LRP1B: variants seen among roughly 807,000 people sequenced by gnomAD.
LRP1B encodes LDL receptor related protein 1B.
Under a neutral mutation model 556.6 loss-of-function variants are expected in LRP1B, and 217 were observed. The observed-to-expected ratio is 0.39, with a 90% CI of 0.35 to 0.44. The LOEUF is 0.44. Ranked by LOEUF, LRP1B falls within the 20% of genes least tolerant of loss-of-function variation. LRP1B has a pLI of 1.00. For synonymous variants in LRP1B, 2,047 were observed against 1,865.8 expected (o/e 1.10, Z -2.50); for missense variants, 5,053 against 5,620.8 (o/e 0.90, Z 3.23).
rs146966427 is a variant in LRP1B at position 140,356,390 on chromosome 2, G to A, written c.11482C>T (p.Arg3828Cys). 86 of 1,610,600 alleles carry A rather than the reference G, an allele frequency of 5.3e-5. No homozygotes were observed. Among genetic ancestry groups the A allele is most frequent in the Non-Finnish European group, 6.8e-5 (80 of 1,177,706 alleles). Residue 3828 changes from arginine to cysteine, a missense_variant, in exon 75 of 91, where the codon CGC becomes TGC. Physicochemically the swap from Arg to Cys is radical, Grantham distance 180. Around this residue, in one of 5 missense-constraint regions of LRP1B, gnomAD observed 599 missense variants for 648.4 expected, o/e 0.92. Transcript: ENST00000389484. ...TTTCTCTGAAATCCAGGCTTACAGCGACAGAAAACAGATGTTTTTATTTGA... is the reference window on the plus strand; with the variant it reads ...TTTCTCTGAAATCCAGGCTTACAGCAACAGAAAACAGATGTTTTTATTTGA... ...CNQIKTSVFC[R>C]CKPGFQRNMK...
At chr2:141,919,388 T>C (rs1700119908) in intron 1 of LRP1B, among the ~76,000 whole-genome samples, 2 of 152,078 alleles carry the variant, frequency 1.3e-5, no homozygotes, top group African/African-American at 4.8e-5. Flanking sequence ...CTACATTTCC[T>C]GCACTAATAT....
rs553904247 is a variant in LRP1B, at chr2:141,538,944, A to C, written c.206-58411T>G. 8.6e-4 allele frequency among the ~76,000 whole-genome samples: 131 copies of C among 152,258 alleles called. 2 individuals are homozygous for C. Among genetic ancestry groups the C allele is most frequent in the African/African-American group, 3.1e-3 (127 of 41,584 alleles). ...GTGAGCCACTGTCCCTGGCCGAAAG[A>C]AACATTTTATGGGGACAATTGCTCT... On this transcript the variant is annotated intron_variant, in intron 2 of 90. Coordinates refer to ENST00000389484, the MANE Select transcript of LRP1B (RefSeq NM_018557.3).
At chr2:141,223,952 C>T (rs1014639154) in intron 6 of LRP1B, among the ~76,000 whole-genome samples, 1 of 152,072 alleles carries the variant, frequency 6.6e-6, no homozygotes, top group African/African-American at 2.4e-5. Context: ...CCAGATAATA[C>T]CACTCAGGAC....
In LRP1B at chr2:140,358,120, T is replaced by C. The variant is rs2105135598; in HGVS notation, c.11258-4A>G. ...CTTGCTTTATATGTCAGCTTACCTA[T>C]AGAGTCATACAAAAAATGATTAGTG... On this transcript the variant is annotated splice_polypyrimidine_tract_variant and splice_region_variant and intron_variant, in intron 73 of 90. Coordinates refer to ENST00000389484, the MANE Select transcript of LRP1B (RefSeq NM_018557.3). 1.9e-6 allele frequency: 3 copies of C among 1,609,226 alleles called. No homozygotes were observed. Among genetic ancestry groups the C allele is most frequent in the Non-Finnish European group, 1.7e-6 (2 of 1,176,920 alleles).
At chr2:141,709,087 G>T (rs572937097) in intron 2 of LRP1B, among the ~76,000 whole-genome samples, 2 of 151,976 alleles carry the variant, frequency 1.3e-5, no homozygotes, top group African/African-American at 4.8e-5. Flanking sequence ...GTGGTGGCTC[G>T]TGCTTGTAAT....
intron 53 of LRP1B, among the ~76,000 whole-genome samples, chr2:140,506,049 T>C (rs1689394624): frequency 6.6e-6 from 1 of 152,048 alleles, no homozygotes; most frequent in Non-Finnish European, 1.5e-5. Flanking sequence ...TATCAAATCA[T>C]TGAATACATC....
At chr2:140,235,194 C>T (rs180932633) in intron 89 of LRP1B, among the ~76,000 whole-genome samples, 1 of 151,236 alleles carries the variant, frequency 6.6e-6, no homozygotes, top group Admixed American at 6.6e-5. Flanking sequence ...AAAACTAGTA[C>T]ATATTTATCT....
At chr2:141,148,822 G>T (rs76551404) in intron 7 of LRP1B, among the ~76,000 whole-genome samples, 2,788 of 152,202 alleles carry the variant, frequency 0.018, 80 homozygotes, top group African/African-American at 0.064. Context: ...GGTGGTTCAC[G>T]CCTGTAATCC....
At chr2:141,185,301 A>G (rs1484593259) in intron 7 of LRP1B, among the ~76,000 whole-genome samples, 1 of 152,074 alleles carries the variant, frequency 6.6e-6, no homozygotes, top group African/African-American at 2.4e-5. Context: ...TCCAGCATCA[A>G]GTTCATAACC....
intron 3 of LRP1B, among the ~76,000 whole-genome samples, chr2:141,478,286 T>C (rs1439841011): frequency 1.3e-5 from 2 of 152,186 alleles, no homozygotes; most frequent in Non-Finnish European, 2.9e-5. Flanking sequence ...TTTATGATAT[T>C]CAAATGTGTG....
Position 141,415,671 on chromosome 2 carries a change from TA to T in LRP1B, c.343+64724del, listed in dbSNP as rs745359858. Reference sequence around the variant, plus strand: ...TAAGTATTACAAAAAGCGCCATTTATAAGTAAGCATCAGAGGTGGCCAAATA... The same window carrying T: ...TAAGTATTACAAAAAGCGCCATTTATAGTAAGCATCAGAGGTGGCCAAATA... On this transcript the variant is annotated intron_variant, in intron 3 of 90. Transcript: ENST00000389484. Among the ~76,000 whole-genome samples, 6 of 152,210 alleles carry T rather than the reference TA, an allele frequency of 3.9e-5. No homozygotes were observed. In the East Asian group the frequency reaches 9.6e-4, roughly 24 times the overall value.
intron 2 of LRP1B, among the ~76,000 whole-genome samples, chr2:141,629,281 C>G (rs1352646147): frequency 6.6e-6 from 1 of 152,170 alleles, no homozygotes; most frequent in Non-Finnish European, 1.5e-5. Context: ...GAGAAACCAT[C>G]AAATCAAAAT....
intron 2 of LRP1B, among the ~76,000 whole-genome samples, chr2:141,616,139 G>T (rs1290088103): frequency 6.6e-6 from 1 of 151,958 alleles, no homozygotes; most frequent in Admixed American, 6.6e-5. Flanking sequence ...AACATTAGCT[G>T]GGTGTGGTGG....
chr2:140,708,431 A>C (rs1378174443), intron 37 of LRP1B, among the ~76,000 whole-genome samples: 1 of 151,730 alleles, frequency 6.6e-6, no homozygotes, highest in Non-Finnish European at 1.5e-5. Flanking sequence ...ATTATATAGG[A>C]CAATTATTAT....
intron 35 of LRP1B, among the ~76,000 whole-genome samples, chr2:140,744,531 T>A (rs1018535300): frequency 2.6e-5 from 4 of 152,186 alleles, no homozygotes; most frequent in Non-Finnish European, 5.9e-5. Flanking sequence ...GTCAGCCGGC[T>A]CACAGAGCGG....
At chr2:141,748,433 T>G (rs1693987937) in intron 2 of LRP1B, among the ~76,000 whole-genome samples, 1 of 152,152 alleles carries the variant, frequency 6.6e-6, no homozygotes, top group Non-Finnish European at 1.5e-5. Flanking sequence ...GTTTCTCTAT[T>G]ATAGGACACG....
chr2:140,505,804 G>T (rs1424672196), intron 53 of LRP1B, among the ~76,000 whole-genome samples: 1 of 152,136 alleles, frequency 6.6e-6, no homozygotes, highest in South Asian at 2.1e-4. Context: ...CACTAAATCT[G>T]TTGCCTTCTA....
intron 2 of LRP1B, among the ~76,000 whole-genome samples, chr2:141,761,847 A>G (rs1364739522): frequency 6.6e-6 from 1 of 152,172 alleles, no homozygotes; most frequent in Admixed American, 6.5e-5. Context: ...TGCACTGTGT[A>G]TGACATCTGT....
chr2:141,341,948 TATC>T (rs1466573878), intron 3 of LRP1B, among the ~76,000 whole-genome samples: 5 of 151,990 alleles, frequency 3.3e-5, no homozygotes, highest in Non-Finnish European at 7.4e-5. Flanking sequence ...CATTGAAAGA[TATC>T]ATAACCCAGG....
Sources: allele counts gnomAD v4.1 joint callset (sites outside exome capture counted in the v4.1 genomes callset), GRCh38; gene constraint gnomAD v4.1.1; regional missense constraint gnomAD v4.1.1; transcripts MANE v1.5; gene names NCBI Gene and HGNC (gene_info 2026-07-23, HGNC 2026-07-21).